ARRB1: variants seen among roughly 807,000 people sequenced by gnomAD.
The protein encoded by ARRB1 is arrestin beta 1, also known as beta-arrestin-1.
A neutral mutation model predicts 56.8 loss-of-function variants in ARRB1; 21 were observed. The ratio of observed to expected loss-of-function variants is 0.37; its 90% CI spans 0.26 to 0.53. The LOEUF is 0.53. Ranked by LOEUF, ARRB1 falls within the 20% of genes least tolerant of loss-of-function variation. The probability of loss-of-function intolerance (pLI) is 0.88; values close to 1 mark genes in which losing one functional copy is unlikely to be tolerated. For synonymous variants in ARRB1, 210 were observed against 218.6 expected, an observed-to-expected ratio of 0.96 and a Z score of 0.35; for missense variants, 424 against 553.7, an observed-to-expected ratio of 0.77 and a Z score of 2.35.
At chr11:75,331,260 C>T (rs1947514865) in intron 1 of ARRB1, among the ~76,000 whole-genome samples, 1 of 152,172 alleles carries the variant, frequency 6.6e-6, no homozygotes, top group Non-Finnish European at 1.5e-5. Flanking sequence ...ATCCGTCCGC[C>T]TAGGCCTCCC....
In ARRB1 at chr11:75,262,746, T is replaced by C. The variant is rs957769093; in HGVS notation, c.*3417A>G. The stretch of plus-strand genomic sequence containing the variant: ...TAGCTTGCCCAAGCCCCCCAGGTGG[T>C]TGGTGACAGGCAGGACTGAGAGGCG... On this transcript the variant is annotated 3_prime_UTR_variant, in exon 16 of 16. Coordinates refer to ENST00000420843, the MANE Select transcript of ARRB1 (RefSeq NM_004041.5). Among the ~76,000 whole-genome samples, 3 of 152,084 alleles carry C rather than the reference T, an allele frequency of 2.0e-5. No homozygotes were observed. Among genetic ancestry groups the C allele is most frequent in the Non-Finnish European group, 4.4e-5 (3 of 68,012 alleles).
intron 1 of ARRB1, among the ~76,000 whole-genome samples, chr11:75,330,927 C>T (rs1022329633): frequency 6.6e-6 from 1 of 152,228 alleles, no homozygotes; most frequent in Non-Finnish European, 1.5e-5. Context: ...AAAAATATCC[C>T]GTGTCCCCCG....
chr11:75,277,542 T>G, intron 8 of ARRB1, 94 bp from the exon 9 acceptor site: 1 of 1,158,990 alleles, frequency 8.6e-7, no homozygotes, highest in Non-Finnish European at 1.3e-6. Context: ...TCTTCTGGGG[T>G]TCCCCAGACC....
At chr11:75,325,523 A>G (rs543480442) in intron 1 of ARRB1, among the ~76,000 whole-genome samples, 1 of 152,112 alleles carries the variant, frequency 6.6e-6, no homozygotes, top group African/African-American at 2.4e-5. Context: ...GAGTTTCACC[A>G]TGTTGGCCAG....
intron 1 of ARRB1, chr11:75,306,732 T>A: frequency 8.4e-7 from 1 of 1,196,188 alleles, no homozygotes; most frequent in African/African-American, 1.6e-5. Context: ...AGGGGTTAGT[T>A]ACAAAGAAAA....
intron 1 of ARRB1, among the ~76,000 whole-genome samples, chr11:75,317,333 C>A (rs1460546268): frequency 1.3e-5 from 2 of 152,114 alleles, no homozygotes; most frequent in Non-Finnish European, 2.9e-5. Flanking sequence ...CCTCCAGGTG[C>A]TCTCCCCTCC....
intron 1 of ARRB1, among the ~76,000 whole-genome samples, chr11:75,310,675 A>G (rs570869476): frequency 6.6e-6 from 1 of 152,190 alleles, no homozygotes; most frequent in Non-Finnish European, 1.5e-5. Flanking sequence ...CTCATGAGCA[A>G]CTCAGCCCCT....
At chr11:75,291,118 G>A (rs1039677953) in intron 1 of ARRB1, among the ~76,000 whole-genome samples, 11 of 152,086 alleles carry the variant, frequency 7.2e-5, no homozygotes, top group South Asian at 4.1e-4. Flanking sequence ...TTGGGAGGCC[G>A]AGGAGGTCAG....
chr11:75,289,943 T>C lies in ARRB1; in HGVS notation c.51+66A>G, dbSNP rs960787457. 7 of 1,610,932 alleles carry C rather than the reference T, an allele frequency of 4.3e-6. No homozygotes were observed. In the African/African-American group the frequency reaches 8.0e-5, roughly 18 times the overall value. ...TCAGGGGACATGCCGTTTCCTCTGC[T>C]TCCCAAGAGAAAATGACCAGAGTGT... On this transcript the variant is annotated intron_variant, in intron 2 of 15. Transcript: ENST00000420843.
chr11:75,320,971 T>C (rs1467721552), intron 1 of ARRB1, among the ~76,000 whole-genome samples: 1 of 149,334 alleles, frequency 6.7e-6, no homozygotes, highest in East Asian at 2.0e-4. Flanking sequence ...GGAGACATCA[T>C]CTTTGCCCCT....
At chr11:75,305,734 C>T (rs1241822501) in intron 1 of ARRB1, among the ~76,000 whole-genome samples, 1 of 151,890 alleles carries the variant, frequency 6.6e-6, no homozygotes, top group Non-Finnish European at 1.5e-5. Context: ...TGAATGTGGT[C>T]GTGTGCACGC....
intron 1 of ARRB1, among the ~76,000 whole-genome samples, chr11:75,308,309 T>G (rs1018565722): frequency 4.0e-5 from 6 of 150,622 alleles, no homozygotes; most frequent in Admixed American, 3.3e-4. Context: ...AGCCAGGGAG[T>G]CGCTGAGCCA....
At chr11:75,302,186 G>T (rs888415693) in intron 1 of ARRB1, among the ~76,000 whole-genome samples, 2 of 152,206 alleles carry the variant, frequency 1.3e-5, no homozygotes, top group Non-Finnish European at 2.9e-5. Flanking sequence ...GGGGTCAGGG[G>T]TGGTGGCTGG....
chr11:75,305,210 ATT>A (rs112845043), intron 1 of ARRB1, among the ~76,000 whole-genome samples: 7 of 131,648 alleles, frequency 5.3e-5, no homozygotes, highest in Admixed American at 7.6e-5. Context: ...TAATTTTTGT[ATT>A]TTTTTTTTTT....
At chr11:75,278,146 G>C (rs1002948848) in intron 8 of ARRB1, among the ~76,000 whole-genome samples, 1 of 152,242 alleles carries the variant, frequency 6.6e-6, no homozygotes, top group African/African-American at 2.4e-5. Context: ...CCTTGAGGAG[G>C]GGCCAGCCTA....
rs756814572 is a variant in ARRB1, at chr11:75,274,064, A to C, written c.914+10T>G. On this transcript the variant is annotated intron_variant, in intron 11 of 15. Coordinates refer to ENST00000420843, the MANE Select transcript of ARRB1 (RefSeq NM_004041.5). ...ACTAGGAGCCCAGGGCTAGGAGGGC[A>C]GGTCCTCACAGGGTGCTAGAGGCCA... 2 of 1,614,094 alleles carry C rather than the reference A, an allele frequency of 1.2e-6. No individual in the cohort carries two copies. Among genetic ancestry groups the C allele is most frequent in the Admixed American group, 1.7e-5 (1 of 60,020 alleles).
intron 1 of ARRB1, among the ~76,000 whole-genome samples, chr11:75,296,971 A>G (rs964369937): frequency 1.3e-5 from 2 of 152,178 alleles, no homozygotes; most frequent in Non-Finnish European, 2.9e-5. Flanking sequence ...ACAATGGAAT[A>G]TTATACAGCA....
intron 10 of ARRB1, among the ~76,000 whole-genome samples, chr11:75,275,765 G>A (rs1946188515): frequency 6.6e-6 from 1 of 152,160 alleles, no homozygotes; most frequent in African/African-American, 2.4e-5. Flanking sequence ...ACATACTGGG[G>A]CAGCAGCAAC....
chr11:75,321,087 C>T (rs559663523), intron 1 of ARRB1, among the ~76,000 whole-genome samples: 3 of 152,194 alleles, frequency 2.0e-5, no homozygotes, highest in Non-Finnish European at 4.4e-5. Flanking sequence ...TTTGACTTCT[C>T]TTGTTCTCTG....
Sources: allele counts gnomAD v4.1 joint callset (sites outside exome capture counted in the v4.1 genomes callset), GRCh38; gene constraint gnomAD v4.1.1; transcripts MANE v1.5; gene names NCBI Gene and HGNC (gene_info 2026-07-23, HGNC 2026-07-21).